Variants in SEMA6D observed in about 807,000 individuals in gnomAD.
SEMA6D encodes semaphorin-6D.
A neutral mutation model predicts 106.6 loss-of-function variants in SEMA6D; 35 were observed. That is an observed-to-expected ratio of 0.33 (90% CI 0.25 to 0.44). The LOEUF is 0.44. Among genes scored for constraint, SEMA6D ranks in the 20% least tolerant of loss-of-function variants. The probability of loss-of-function intolerance (pLI) is 1.00; values close to 1 mark genes in which losing one functional copy is unlikely to be tolerated. For missense variants in SEMA6D, 1,185 were observed against 1,345.9 expected (o/e 0.88, Z 1.87); for synonymous variants, 499 against 487.7 (o/e 1.02, Z -0.31).
At chr15:47,613,852 G>A (rs1441559844) in intron 4 of SEMA6D, among the ~76,000 whole-genome samples, 1 of 151,940 alleles carries the variant, frequency 6.6e-6, no homozygotes, top group African/African-American at 2.4e-5. Flanking sequence ...GTAGAGATGG[G>A]GTTTCACCGT....
intron 9 of SEMA6D, 77 bp from the exon 10 acceptor site, chr15:47,763,773 C>A: frequency 7.8e-7 from 1 of 1,278,886 alleles, no homozygotes; most frequent in Non-Finnish European, 1.1e-6. Flanking sequence ...TTTTGTCCCT[C>A]CCTTAAACAG....
chr15:47,378,540 C>T (rs2039527295), intron 1 of SEMA6D, among the ~76,000 whole-genome samples: 1 of 152,106 alleles, frequency 6.6e-6, no homozygotes, highest in African/African-American at 2.4e-5. Context: ...CTCTGTGCCT[C>T]AAACTTGATG....
intron 1 of SEMA6D, among the ~76,000 whole-genome samples, chr15:47,266,748 GA>G (rs2034339721): frequency 6.6e-6 from 1 of 152,072 alleles, no homozygotes; most frequent in African/African-American, 2.4e-5. Context: ...GGAGCTGAGG[GA>G]TGTGGGAGCC....
intron 3 of SEMA6D, among the ~76,000 whole-genome samples, chr15:47,501,247 GT>G (rs1055463505): frequency 6.6e-6 from 1 of 152,158 alleles, no homozygotes; most frequent in African/African-American, 2.4e-5. Context: ...ACTGTCTGGA[GT>G]TATTTTCAGA....
chr15:47,505,800 C>CT (rs1179920257), intron 3 of SEMA6D, among the ~76,000 whole-genome samples: 1 of 152,058 alleles, frequency 6.6e-6, no homozygotes, highest in African/African-American at 2.4e-5. Flanking sequence ...CTGGATCATC[C>CT]GTTATCATAT....
At chr15:47,388,065 T>C (rs1268969798) in intron 1 of SEMA6D, among the ~76,000 whole-genome samples, 1 of 152,120 alleles carries the variant, frequency 6.6e-6, no homozygotes. Flanking sequence ...TGGGGATAGG[T>C]AGGAAAGGAG....
At chr15:47,732,576 G>A (rs1405233241) in intron 1 of SEMA6D, among the ~76,000 whole-genome samples, 3 of 152,108 alleles carry the variant, frequency 2.0e-5, no homozygotes, top group Admixed American at 6.5e-5. Context: ...CTTACCAGTG[G>A]ATACACAAAC....
rs531607266 is a variant in SEMA6D, at chr15:47,711,795, G to T, written c.-54-47950G>T. Among the ~76,000 whole-genome samples the T allele has an allele frequency of 1.4e-3, 215 of 152,268 alleles. 2 individuals carry two copies. Among genetic ancestry groups the T allele is most frequent in the African/African-American group, 5.0e-3 (208 of 41,552 alleles). The stretch of plus-strand genomic sequence containing the variant: ...AAAGAAAAGATTGTTTTCATTTTTA[G>T]TGCCTCTTATTTGGAAAGATGGAAA... On this transcript the variant is annotated intron_variant, in intron 4 of 19. Coordinates refer to the SEMA6D transcript ENST00000558014.
intron 4 of SEMA6D, among the ~76,000 whole-genome samples, chr15:47,609,325 TGTTG>T (rs1566932199): frequency 6.6e-5 from 10 of 152,136 alleles, no homozygotes; most frequent in African/African-American, 2.2e-4. Flanking sequence ...GGAAAAACCA[TGTTG>T]AGATATATAT....
intron 2 of SEMA6D, among the ~76,000 whole-genome samples, chr15:47,454,104 T>G (rs1406452476): frequency 6.6e-6 from 1 of 151,914 alleles, no homozygotes; most frequent in Non-Finnish European, 1.5e-5. Flanking sequence ...AGTTTTTCCA[T>G]GCACTCAGTG....
chr15:47,563,809 A>G (rs1207744999), intron 3 of SEMA6D, among the ~76,000 whole-genome samples: 1 of 152,224 alleles, frequency 6.6e-6, no homozygotes, highest in African/African-American at 2.4e-5. Context: ...TCACATTTAC[A>G]TAGGTTATGT....
At chr15:47,258,658 T>C (rs2033925730) in intron 1 of SEMA6D, among the ~76,000 whole-genome samples, 1 of 152,072 alleles carries the variant, frequency 6.6e-6, no homozygotes, top group East Asian at 1.9e-4. Flanking sequence ...TCTCAGGCCT[T>C]TGGACTCAGA....
intron 3 of SEMA6D, among the ~76,000 whole-genome samples, chr15:47,522,323 G>A (rs552386045): frequency 4.6e-5 from 7 of 152,262 alleles, no homozygotes; most frequent in Non-Finnish European, 8.8e-5. Flanking sequence ...TGAACTACAG[G>A]ATATTCTTGG....
At chr15:47,636,554 T>C (rs1235287982) in intron 4 of SEMA6D, among the ~76,000 whole-genome samples, 1 of 152,162 alleles carries the variant, frequency 6.6e-6, no homozygotes, top group Non-Finnish European at 1.5e-5. Flanking sequence ...ACTCTCAAGA[T>C]GCCCCACCCC....
At chr15:47,411,506 T>G (rs994790731) in intron 1 of SEMA6D, among the ~76,000 whole-genome samples, 1 of 152,144 alleles carries the variant, frequency 6.6e-6, no homozygotes, top group Admixed American at 6.5e-5. Context: ...ATGGTAAATA[T>G]AAAACTTATA....
At chr15:47,244,850 G>A (rs985753456) in intron 1 of SEMA6D, among the ~76,000 whole-genome samples, 2 of 152,022 alleles carry the variant, frequency 1.3e-5, no homozygotes, top group South Asian at 2.1e-4. Flanking sequence ...GCCCACTCCC[G>A]TCATCCCCCT....
intron 1 of SEMA6D, among the ~76,000 whole-genome samples, chr15:47,282,703 C>T (rs1276063437): frequency 6.6e-6 from 1 of 152,128 alleles, no homozygotes; most frequent in African/African-American, 2.4e-5. Flanking sequence ...ATTTGAGGGT[C>T]AGTTAGTGTG....
intron 3 of SEMA6D, among the ~76,000 whole-genome samples, chr15:47,494,770 A>G (rs1669743992): frequency 1.0e-5 from 1 of 95,546 alleles, no homozygotes; most frequent in Non-Finnish European, 2.0e-5. Context: ...ATATATATAT[A>G]TATATATATA....
At chr15:47,385,651 T>C (rs1359219642) in intron 1 of SEMA6D, among the ~76,000 whole-genome samples, 1 of 151,890 alleles carries the variant, frequency 6.6e-6, no homozygotes, top group African/African-American at 2.4e-5. Flanking sequence ...AAAAGACTCA[T>C]GTACATTAGA....
Sources: allele counts gnomAD v4.1 joint callset (sites outside exome capture counted in the v4.1 genomes callset), GRCh38; gene constraint gnomAD v4.1.1; transcripts MANE v1.5; gene names NCBI Gene and HGNC (gene_info 2026-07-23, HGNC 2026-07-21).